NEGR1: variants seen among roughly 807,000 people sequenced by gnomAD.
NEGR1 encodes neuronal growth regulator 1.
A neutral mutation model predicts 40.9 loss-of-function variants in NEGR1; 10 were observed. That is an observed-to-expected ratio of 0.24 (90% CI 0.15 to 0.42). NEGR1 has a LOEUF of 0.42. Among genes scored for constraint, NEGR1 ranks in the 10% least tolerant of loss-of-function variants. The pLI, the probability that NEGR1 is intolerant of heterozygous loss-of-function variation, is 1.00. For synonymous variants in NEGR1, 185 were observed against 166.8 expected (o/e 1.11, Z -0.84); for missense variants, 352 against 438.9 (o/e 0.80, Z 1.77).
intron 4 of NEGR1, among the ~76,000 whole-genome samples, chr1:71,673,696 G>T (rs1215411233): frequency 6.6e-6 from 1 of 152,012 alleles, no homozygotes; most frequent in East Asian, 1.9e-4. Flanking sequence ...GGACACTAAT[G>T]GGCATGTTAC....
At chr1:71,763,777 G>T (rs1557643278) in intron 3 of NEGR1, among the ~76,000 whole-genome samples, 1 of 151,852 alleles carries the variant, frequency 6.6e-6, no homozygotes, top group South Asian at 2.1e-4. Context: ...GTGTGTCTGT[G>T]TGTGTGTGTT....
intron 1 of NEGR1, among the ~76,000 whole-genome samples, chr1:72,234,146 C>T (rs1313247337): frequency 6.6e-6 from 1 of 152,058 alleles, no homozygotes; most frequent in Non-Finnish European, 1.5e-5. Flanking sequence ...AACCTCCACA[C>T]TCTGATAGAC....
Position 71,543,383 on chromosome 1 carries a change from C to T in NEGR1, c.940+49434G>A, listed in dbSNP as rs138260050. ...TCTATTACGAAGTGCCAATAAAAGC[C>T]TCAGCTTGATCTGCGTATAAAACCC... On this transcript the variant is annotated intron_variant, in intron 6 of 6. Transcript: ENST00000357731. Among the ~76,000 whole-genome samples, 804 of 151,750 alleles carry T rather than the reference C, an allele frequency of 5.3e-3. 3 individuals carry two copies. The highest frequency in any genetic ancestry group is 0.017 in the Middle Eastern group (5 of 294).
chr1:72,228,382 G>C (rs185090783), intron 1 of NEGR1, among the ~76,000 whole-genome samples: 67 of 152,156 alleles, frequency 4.4e-4, no homozygotes, highest in African/African-American at 1.3e-3. Context: ...TTTCTGCCTT[G>C]GACTGAGAGT....
chr1:71,566,655 T>C (rs560731407), intron 6 of NEGR1, among the ~76,000 whole-genome samples: 4 of 152,300 alleles, frequency 2.6e-5, no homozygotes, highest in African/African-American at 9.6e-5. Context: ...GTAAATATTT[T>C]TGGCTATGCA....
At chr1:71,593,341 C>CCTAG (rs1255734174) in intron 5 of NEGR1, among the ~76,000 whole-genome samples, 2 of 152,102 alleles carry the variant, frequency 1.3e-5, no homozygotes, top group Non-Finnish European at 2.9e-5. Flanking sequence ...ACGGAAAGTA[C>CCTAG]AAACTGATGG....
intron 1 of NEGR1, among the ~76,000 whole-genome samples, chr1:72,234,147 T>G (rs967828058): frequency 6.6e-6 from 1 of 152,040 alleles, no homozygotes; most frequent in African/African-American, 2.4e-5. Flanking sequence ...ACCTCCACAC[T>G]CTGATAGACA....
intron 1 of NEGR1, among the ~76,000 whole-genome samples, chr1:72,208,066 G>A (rs967829095): frequency 1.5e-4 from 23 of 151,488 alleles, no homozygotes; most frequent in African/African-American, 4.4e-4. Flanking sequence ...AAAGTTGATC[G>A]GTTTTTCCTC....
intron 6 of NEGR1, among the ~76,000 whole-genome samples, chr1:71,416,714 T>C (rs1363549591): frequency 6.6e-6 from 1 of 152,234 alleles, no homozygotes; most frequent in Admixed American, 6.5e-5. Context: ...TTCAGTCTTA[T>C]ACCTGATACT....
intron 6 of NEGR1, among the ~76,000 whole-genome samples, chr1:71,588,480 G>A (rs1649382363): frequency 6.6e-6 from 1 of 152,102 alleles, no homozygotes; most frequent in African/African-American, 2.4e-5. Flanking sequence ...TTTTTGGACA[G>A]AGAATCTAGA....
intron 2 of NEGR1, among the ~76,000 whole-genome samples, chr1:71,902,219 C>A (rs1661162145): frequency 6.6e-6 from 1 of 152,030 alleles, no homozygotes; most frequent in Admixed American, 6.6e-5. Flanking sequence ...ACCCAGTGTC[C>A]ACTGTCTCTG....
chr1:71,878,198 C>CT (rs1422124871), intron 2 of NEGR1, among the ~76,000 whole-genome samples: 5 of 152,058 alleles, frequency 3.3e-5, no homozygotes, highest in Admixed American at 6.6e-5. Flanking sequence ...ATTCCTTAAC[C>CT]TTTTTTTGCA....
intron 6 of NEGR1, among the ~76,000 whole-genome samples, chr1:71,524,403 C>A (rs1298877975): frequency 6.7e-6 from 1 of 148,996 alleles, no homozygotes; most frequent in African/African-American, 2.5e-5. Context: ...GGTAATATGG[C>A]TTGATAAATA....
intron 3 of NEGR1, among the ~76,000 whole-genome samples, chr1:71,712,929 G>T (rs567883472): frequency 6.6e-6 from 1 of 152,234 alleles, no homozygotes; most frequent in South Asian, 2.1e-4. Flanking sequence ...TGCCACAATT[G>T]TAAGTTTCCT....
At chr1:72,168,912 A>G (rs1325461383) in intron 1 of NEGR1, among the ~76,000 whole-genome samples, 1 of 152,038 alleles carries the variant, frequency 6.6e-6, no homozygotes, top group African/African-American at 2.4e-5. Flanking sequence ...AAAGAGAGAA[A>G]ACAAACAAAC....
At position 71,395,976 on chromosome 1, in the gene NEGR1, T is replaced by TC. The variant is rs1646208938; in HGVS notation, c.*11469_*11470insG. On this transcript the variant is annotated 3_prime_UTR_variant, in exon 7 of 7. Coordinates refer to ENST00000357731, the MANE Select transcript of NEGR1 (RefSeq NM_173808.3). ...AACAGCCTTTATTCATATCACTAAT[T>TC]GTAATATGTACTAATTGTAAATGTG... is the stretch of plus-strand genomic sequence containing the variant. 2 of 152,308 alleles carry TC rather than the reference T, an allele frequency of 1.3e-5. No homozygotes were observed. Among genetic ancestry groups the TC allele is most frequent in the South Asian group, 4.1e-4 (2 of 4,824 alleles). The allele number at this position is 152,308 out of a possible 1,614,324, so 9.4% of individuals were successfully genotyped here.
intron 1 of NEGR1, among the ~76,000 whole-genome samples, chr1:72,129,676 G>A (rs911947385): frequency 8.5e-5 from 13 of 152,048 alleles, no homozygotes; most frequent in Admixed American, 3.3e-4. Flanking sequence ...ATGTATTTGG[G>A]GTTAATTCCA....
chr1:71,450,908 T>G (rs570062967), intron 6 of NEGR1, among the ~76,000 whole-genome samples: 12 of 152,046 alleles, frequency 7.9e-5, no homozygotes, highest in Non-Finnish European at 1.5e-5. Context: ...AAATATTACT[T>G]ACAGTGTGAA....
intron 4 of NEGR1, among the ~76,000 whole-genome samples, chr1:71,625,627 G>T (rs1237838397): frequency 6.6e-6 from 1 of 151,392 alleles, no homozygotes; most frequent in African/African-American, 2.4e-5. Context: ...ACTGAGGGAT[G>T]AATGAATATA....
Sources: gnomAD v4.1 joint callset for allele counts (sites outside exome capture counted in the v4.1 genomes callset) on GRCh38, gnomAD v4.1.1 for gene constraint, MANE v1.5 for transcripts, NCBI Gene and HGNC (gene_info 2026-07-23, HGNC 2026-07-21) for gene names.